TAFA1: variants seen among roughly 807,000 people sequenced by gnomAD.
TAFA1 encodes TAFA chemokine like family member 1.
In TAFA1, 4 loss-of-function variants were observed where a neutral mutation model predicts 18.5. The observed-to-expected ratio is 0.22, with a 90% CI of 0.11 to 0.49. TAFA1 has a LOEUF of 0.49. Among genes scored for constraint, TAFA1 ranks in the 20% least tolerant of loss-of-function variants. The pLI is 0.98. For synonymous variants in TAFA1, 56 were observed against 55.2 expected (o/e 1.01, Z -0.06); for missense variants, 147 against 169.0 (o/e 0.87, Z 0.72).
intron 2 of TAFA1, among the ~76,000 whole-genome samples, chr3:68,076,278 C>CT (rs1170989927): frequency 8.0e-6 from 1 of 125,080 alleles, no homozygotes; most frequent in Non-Finnish European, 1.8e-5. Context: ...ATTGTTCCTA[C>CT]TTCTTTTTTT....
intron 3 of TAFA1, among the ~76,000 whole-genome samples, chr3:68,496,702 G>C (rs1454994702): frequency 1.3e-5 from 2 of 152,162 alleles, no homozygotes; most frequent in African/African-American, 4.8e-5. Context: ...TGGGACCCAA[G>C]TGTCAAGACT....
Position 68,029,030 on chromosome 3 carries a change from C to T in TAFA1, c.118+22286C>T, listed in dbSNP as rs1245195856. On this transcript the variant is annotated intron_variant, in intron 2 of 4. Transcript: ENST00000478136. ...GGTTTCTCAAAGTGCTGGGATTAGA[C>T]GCATGAGCCACCATGACTGGCTAGC... Among the ~76,000 whole-genome samples, 9 of 151,922 alleles carry T rather than the reference C, an allele frequency of 5.9e-5. No homozygotes were observed. The South Asian group carries it at 6.2e-4, about 10-fold the overall frequency.
chr3:68,048,779 A>G (rs2064428196), intron 2 of TAFA1, among the ~76,000 whole-genome samples: 2 of 152,112 alleles, frequency 1.3e-5, no homozygotes, highest in South Asian at 4.1e-4. Context: ...TGTTGCTGCA[A>G]ATGACAAAAT....
At chr3:68,386,381 G>A (rs2070104452) in intron 2 of TAFA1, among the ~76,000 whole-genome samples, 1 of 152,050 alleles carries the variant, frequency 6.6e-6, no homozygotes, top group South Asian at 2.1e-4. Context: ...TAGTGACTGA[G>A]GTGGTTACGA....
chr3:68,058,217 C>A (rs2064559382), intron 2 of TAFA1, among the ~76,000 whole-genome samples: 1 of 152,094 alleles, frequency 6.6e-6, no homozygotes, highest in Non-Finnish European at 1.5e-5. Flanking sequence ...GAAAGTTATG[C>A]AACAACTTTA....
intron 2 of TAFA1, among the ~76,000 whole-genome samples, chr3:68,056,151 G>T (rs922288533): frequency 6.6e-6 from 1 of 152,088 alleles, no homozygotes; most frequent in Non-Finnish European, 1.5e-5. Context: ...TCAATCTTAG[G>T]TAAGAGTCTC....
intron 2 of TAFA1, chr3:68,145,669 C>A: frequency 4.3e-6 from 4 of 937,740 alleles, no homozygotes; most frequent in Non-Finnish European, 7.0e-6. Flanking sequence ...TCTTCAGAAT[C>A]CTGTATACTG....
chr3:68,197,718 A>C (rs1453985437), intron 2 of TAFA1, among the ~76,000 whole-genome samples: 1 of 151,678 alleles, frequency 6.6e-6, no homozygotes, highest in East Asian at 2.0e-4. Context: ...CCCTTGTTTA[A>C]AAACTTAACA....
intron 2 of TAFA1, among the ~76,000 whole-genome samples, chr3:68,248,758 G>A (rs2067135062): frequency 6.7e-6 from 1 of 148,636 alleles, no homozygotes; most frequent in South Asian, 2.2e-4. Flanking sequence ...GCTGGGGGTG[G>A]GGTAGGGAGG....
chr3:68,120,230 T>G (rs559381375), intron 2 of TAFA1, among the ~76,000 whole-genome samples: 3 of 139,122 alleles, frequency 2.2e-5, no homozygotes, highest in Admixed American at 1.5e-4. Flanking sequence ...TCTTTCTTTC[T>G]TTCTTTCTTT....
intron 3 of TAFA1, among the ~76,000 whole-genome samples, chr3:68,514,068 G>C (rs2106735578): frequency 6.6e-6 from 1 of 152,218 alleles, no homozygotes; most frequent in Non-Finnish European, 1.5e-5. Flanking sequence ...ATGGCAAAAG[G>C]GGTGAGGAAT....
intron 3 of TAFA1, among the ~76,000 whole-genome samples, chr3:68,490,782 C>G (rs766704833): frequency 5.5e-4 from 83 of 151,330 alleles, no homozygotes; most frequent in Middle Eastern, 6.8e-3. Flanking sequence ...TAAATATCAA[C>G]AGATATCAAT....
At chr3:68,250,114 C>T (rs1376362594) in intron 2 of TAFA1, among the ~76,000 whole-genome samples, 1 of 152,160 alleles carries the variant, frequency 6.6e-6, no homozygotes. Context: ...ACGCTCTCAT[C>T]ACTTATAGCT....
chr3:68,265,041 T>G (rs2067516251), intron 2 of TAFA1, among the ~76,000 whole-genome samples: 1 of 152,198 alleles, frequency 6.6e-6, no homozygotes, highest in Admixed American at 6.5e-5. Context: ...ATATATGAAA[T>G]TTAAAAACTC....
intron 3 of TAFA1, among the ~76,000 whole-genome samples, chr3:68,417,786 G>A (rs2070868630): frequency 6.6e-6 from 1 of 152,108 alleles, no homozygotes; most frequent in South Asian, 2.1e-4. Flanking sequence ...TGGATGCACA[G>A]GCTGTACAGG....
intron 3 of TAFA1, among the ~76,000 whole-genome samples, chr3:68,484,716 C>A (rs2072305614): frequency 6.6e-6 from 1 of 152,136 alleles, no homozygotes; most frequent in Admixed American, 6.5e-5. Context: ...ATCCTAGAGG[C>A]AGAAGTAGTT....
chr3:68,401,314 A>G (rs957354663), intron 2 of TAFA1, among the ~76,000 whole-genome samples: 1 of 152,182 alleles, frequency 6.6e-6, no homozygotes, highest in African/African-American at 2.4e-5. Flanking sequence ...TAACAAATCC[A>G]GAAGTAAAGA....
At chr3:68,191,496 A>AT (rs1209035617) in intron 2 of TAFA1, among the ~76,000 whole-genome samples, 1 of 151,780 alleles carries the variant, frequency 6.6e-6, no homozygotes, top group African/African-American at 2.4e-5. Context: ...GTATCCAATT[A>AT]TTTTTGTCTT....
intron 2 of TAFA1, among the ~76,000 whole-genome samples, chr3:68,279,827 G>A (rs898284242): frequency 2.0e-5 from 3 of 152,246 alleles, no homozygotes; most frequent in African/African-American, 4.8e-5. Flanking sequence ...ACATATAACA[G>A]TGGGAAAATG....
Sources: gnomAD v4.1 joint callset for allele counts (sites outside exome capture counted in the v4.1 genomes callset) on GRCh38, gnomAD v4.1.1 for gene constraint, MANE v1.5 for transcripts, NCBI Gene and HGNC (gene_info 2026-07-23, HGNC 2026-07-21) for gene names.